The following TPPP variants were observed in gnomAD, a reference collection of about 807,000 sequenced individuals.
The protein encoded by TPPP is tubulin polymerization promoting protein.
Under a neutral mutation model 15.5 loss-of-function variants are expected in TPPP, and 6 were observed. The observed-to-expected ratio is 0.39, with a 90% confidence interval of 0.21 to 0.77. The LOEUF (loss-of-function observed/expected upper bound fraction) is 0.77, where lower values mean the gene tolerates loss of function less well. TPPP is among the 30% of genes least tolerant of loss of function. TPPP has a pLI of 0.42. For missense variants in TPPP, 269 were observed against 307.2 expected, an observed-to-expected ratio of 0.88 and a Z score of 0.93; for synonymous variants, 146 against 133.9, an observed-to-expected ratio of 1.09 and a Z score of -0.63.
chr5:674,142 C>A (rs1740322445), intron 2 of TPPP, among the ~76,000 whole-genome samples: 1 of 152,228 alleles, frequency 6.6e-6, no homozygotes, highest in African/African-American at 2.4e-5. Context: ...CTAGGAGCTT[C>A]ACCCACAAGC....
chr5:665,044 A>T lies in TPPP; in HGVS notation c.*58T>A, dbSNP rs1739835752. Reference sequence around the variant, plus strand: ...TAGTACAGGAATGTAATGAAGTGCGAGGTGACAGAGTCCCTGCTCTGGGGA... The same window carrying T: ...TAGTACAGGAATGTAATGAAGTGCGTGGTGACAGAGTCCCTGCTCTGGGGA... On this transcript the variant is annotated 3_prime_UTR_variant, in exon 4 of 4. Coordinates refer to ENST00000360578, the MANE Select transcript of TPPP (RefSeq NM_007030.3). The T allele has an allele frequency of 1.9e-6, 3 of 1,554,416 alleles. No homozygotes were observed. The highest frequency in any genetic ancestry group is 2.6e-6 in the Non-Finnish European group (3 of 1,148,782).
intron 2 of TPPP, among the ~76,000 whole-genome samples, chr5:677,290 C>T (rs993008041): frequency 3.4e-4 from 52 of 152,232 alleles, no homozygotes; most frequent in African/African-American, 1.2e-3. Context: ...AGCCGCTGAG[C>T]CAGCCCACAG....
At chr5:672,400 A>G (rs1469502748) in intron 2 of TPPP, among the ~76,000 whole-genome samples, 2 of 152,318 alleles carry the variant, frequency 1.3e-5, no homozygotes, top group Middle Eastern at 3.4e-3. Context: ...ACGTCAGTGC[A>G]TTTACTTGGG....
intron 2 of TPPP, among the ~76,000 whole-genome samples, chr5:672,792 G>A (rs1040847445): frequency 4.6e-5 from 7 of 152,258 alleles, no homozygotes; most frequent in African/African-American, 9.6e-5. Context: ...AGCTGCCACC[G>A]CACGCTCTTT....
intron 1 of TPPP, among the ~76,000 whole-genome samples, chr5:682,173 A>G (rs7709681): frequency 0.41 from 57,219 of 138,150 alleles, 9,208 homozygotes; most frequent in Middle Eastern, 0.49. Flanking sequence ...CTCTGATCAC[A>G]GAGCTGTCCA....
chr5:670,546 C>G (rs1324875387), intron 2 of TPPP, among the ~76,000 whole-genome samples: 2 of 152,094 alleles, frequency 1.3e-5, no homozygotes, highest in Non-Finnish European at 2.9e-5. Context: ...GACTCCCTGG[C>G]TGCTGGGCCC....
intron 2 of TPPP, among the ~76,000 whole-genome samples, chr5:675,486 GTACAT>G (rs1740396282): frequency 4.9e-5 from 7 of 141,538 alleles, no homozygotes; most frequent in East Asian, 2.1e-4. Flanking sequence ...GTGGCCAGGG[GTACAT>G]TGTGGCCGGG....
chr5:671,543 C>T (rs1279305295), intron 2 of TPPP, among the ~76,000 whole-genome samples: 3 of 152,228 alleles, frequency 2.0e-5, no homozygotes, highest in African/African-American at 4.8e-5. Flanking sequence ...GCCAAGGCCA[C>T]GCCCACCACT....
chr5:683,076 T>A (rs1476555287), intron 1 of TPPP, among the ~76,000 whole-genome samples: 5 of 151,096 alleles, frequency 3.3e-5, no homozygotes, highest in Non-Finnish European at 7.4e-5. Flanking sequence ...GTGTGACCTC[T>A]GACAGCTCCA....
intron 3 of TPPP, 79 bp from the exon 4 acceptor site, chr5:665,375 G>T (rs965586632): frequency 7.1e-7 from 1 of 1,406,624 alleles, no homozygotes; most frequent in Non-Finnish European, 9.7e-7. Context: ...TGTGCCCTGG[G>T]CAGGTCTCCC....
intron 2 of TPPP, among the ~76,000 whole-genome samples, chr5:673,637 C>T (rs1580085080): frequency 6.6e-6 from 1 of 152,204 alleles, no homozygotes; most frequent in Admixed American, 6.5e-5. Flanking sequence ...GGGCTTGGGC[C>T]ACAGCTGTCT....
rs1048417660 is a variant in TPPP, at chr5:666,005, T to A, written c.430A>T (p.Ile144Phe). 1.3e-6 allele frequency: 2 copies of A among 1,546,660 alleles called. No homozygotes were observed. The highest frequency in any genetic ancestry group is 1.8e-6 in the Non-Finnish European group (2 of 1,140,824). ...GAGATGATGGGCGCCTTGCCCTCGA[T>A]GAGCCTGTGCACCTCGCGAACGGCC... Reference protein sequence around the residue: ...EEAVREVHRLIEGKAPIISGV... With the variant: ...EEAVREVHRLFEGKAPIISGV... Residue 144 changes from isoleucine (I) to phenylalanine (F), a missense_variant, in exon 3 of 4, where the codon ATC (isoleucine) becomes TTC (phenylalanine). Transcript: ENST00000360578.
chr5:665,529 A>G (rs189985876), intron 3 of TPPP, among the ~76,000 whole-genome samples: 46 of 152,116 alleles, frequency 3.0e-4, no homozygotes, highest in African/African-American at 1.1e-3. Context: ...CCTGGTGTTT[A>G]TGTAGTTGGG....
chr5:672,546 G>C (rs1460663478), intron 2 of TPPP, among the ~76,000 whole-genome samples: 1 of 152,254 alleles, frequency 6.6e-6, no homozygotes, highest in Non-Finnish European at 1.5e-5. Flanking sequence ...TGGACCCATA[G>C]GGGGCCAGTG....
In TPPP at chr5:677,884, G is replaced by C; in HGVS notation, c.177C>G (p.Ala59=). The change falls in exon 2 of 4, where the codon GCC becomes GCG. Residue 59 remains alanine, a synonymous_variant. Coordinates refer to ENST00000360578, the MANE Select transcript of TPPP (RefSeq NM_007030.3). ...SALEEAFRRF[A]VHGDARATGR... is the part of the protein sequence containing the mutation. ...CGGTGGCCCTGGCGTCCCCGTGCAC[G>C]GCAAAGCGCCGGAAGGCCTCCTCCA... 1.2e-6 allele frequency: 2 copies of C among 1,612,726 alleles called. No homozygotes were observed. Among genetic ancestry groups the C allele is most frequent in the South Asian group, 1.1e-5 (1 of 91,042 alleles).
chr5:685,844 C>T (rs931400507), intron 1 of TPPP, among the ~76,000 whole-genome samples: 7 of 152,322 alleles, frequency 4.6e-5, no homozygotes, highest in African/African-American at 1.7e-4. Flanking sequence ...CACGGCAGAT[C>T]CCCTCTGAGT....
chr5:671,823 C>T lies in TPPP; in HGVS notation c.312-5700G>A, dbSNP rs927870436. Among the ~76,000 whole-genome samples the T allele has an allele frequency of 5.9e-5, 9 of 152,236 alleles. No individual in the cohort carries two copies. The East Asian group carries it at 7.7e-4, about 13-fold the overall frequency. ...GCTCCAGAGCCGCCGAGTGCAAGCC[C>T]GGGACAGGGTGGCACCCACAGCAAT... On this transcript the variant is annotated intron_variant, in intron 2 of 3. Coordinates refer to ENST00000360578, the MANE Select transcript of TPPP (RefSeq NM_007030.3).
rs1310965110 is a variant in TPPP, at chr5:693,259, G to C, written c.-5+19C>G. ...CCCCCCGCGCCGCGCCCGCGGGACCGAGCCCCGCGCCCGCTTACCTTGGAG... is the reference window on the plus strand; with the variant it reads ...CCCCCCGCGCCGCGCCCGCGGGACCCAGCCCCGCGCCCGCTTACCTTGGAG... On this transcript the variant is annotated intron_variant, in intron 1 of 3. Transcript: ENST00000360578. 6.7e-6 allele frequency: 1 copy of C among 149,060 alleles called. No individual in the cohort carries two copies. Among genetic ancestry groups the C allele is most frequent in the Non-Finnish European group, 1.5e-5 (1 of 66,852 alleles). The allele number at this position is 149,060 out of a possible 1,614,324, so 9.2% of individuals were successfully genotyped here.
At chr5:678,109 C>T (rs1740514291) in intron 1 of TPPP, 45 bp from the exon 2 acceptor site, 2 of 1,454,448 alleles carry the variant, frequency 1.4e-6, no homozygotes, top group Middle Eastern at 2.5e-4. Context: ...GGCCATGTCC[C>T]AGCTGAGCCG....
Sources: allele counts gnomAD v4.1 joint callset (sites outside exome capture counted in the v4.1 genomes callset), GRCh38; gene constraint gnomAD v4.1.1; transcripts MANE v1.5; gene names NCBI Gene and HGNC (gene_info 2026-07-23, HGNC 2026-07-21).